NHSL1: variants seen among roughly 807,000 people sequenced by gnomAD.
NHSL1 encodes the protein NHS-like protein 1.
In NHSL1, 48 loss-of-function variants were observed where a neutral mutation model predicts 95.0. The observed-to-expected ratio is 0.51, with a 90% CI of 0.40 to 0.64. The LOEUF is 0.64. Among genes scored for constraint, NHSL1 ranks in the 30% least tolerant of loss-of-function variants. The pLI is 0.00. For synonymous variants in NHSL1, 783 were observed against 833.9 expected (o/e 0.94, Z 1.05); for missense variants, 1,971 against 2,077.7 (o/e 0.95, Z 1.00).
At chr6:138,429,587 G>T in intron 7 of NHSL1, 124 bp downstream of exon 7, 1 of 838,472 alleles carries the variant, frequency 1.2e-6, no homozygotes, top group Non-Finnish European at 1.8e-6. Flanking sequence ...AAAATCAACA[G>T]TAAAGTTAAG....
chr6:138,675,078 TAA>T (rs1785431600), intron 1 of NHSL1, among the ~76,000 whole-genome samples: 1 of 150,532 alleles, frequency 6.6e-6, no homozygotes, highest in Non-Finnish European at 1.5e-5. Flanking sequence ...AGGAAAAAAT[TAA>T]AAGAGGCACT....
chr6:138,504,912 C>T (rs1259021894), intron 1 of NHSL1, among the ~76,000 whole-genome samples: 2 of 152,158 alleles, frequency 1.3e-5, no homozygotes, highest in Admixed American at 1.3e-4. Context: ...TTTCAGGAAC[C>T]AAATAAACCT....
intron 1 of NHSL1, among the ~76,000 whole-genome samples, chr6:138,556,387 C>T (rs1209531316): frequency 3.9e-5 from 6 of 152,054 alleles, no homozygotes; most frequent in Non-Finnish European, 7.4e-5. Context: ...AATAACAATG[C>T]TTCTGTCATT....
intron 3 of NHSL1, among the ~76,000 whole-genome samples, chr6:138,457,187 C>A (rs1777670368): frequency 6.6e-6 from 1 of 152,140 alleles, no homozygotes; most frequent in Admixed American, 6.5e-5. Flanking sequence ...GGCTTATTTT[C>A]TGGAATTTCT....
At chr6:138,561,534 G>C (rs1467328862) in intron 1 of NHSL1, among the ~76,000 whole-genome samples, 3 of 152,192 alleles carry the variant, frequency 2.0e-5, no homozygotes, top group African/African-American at 7.2e-5. Context: ...CTGTAGGCCA[G>C]GTTGCTCCCA....
intron 1 of NHSL1, among the ~76,000 whole-genome samples, chr6:138,567,603 T>C (rs1783668665): frequency 6.6e-6 from 1 of 152,222 alleles, no homozygotes; most frequent in Non-Finnish European, 1.5e-5. Flanking sequence ...GCAAGGATCC[T>C]GCTTTCTGCA....
intron 1 of NHSL1, among the ~76,000 whole-genome samples, chr6:138,592,630 A>AAACAAAC (rs1490539353): frequency 1.3e-5 from 2 of 151,876 alleles, no homozygotes; most frequent in African/African-American, 2.4e-5. Context: ...AAAAAACAAA[A>AAACAAAC]AACAACAACA....
At chr6:138,561,442 A>C (rs527751284) in intron 1 of NHSL1, among the ~76,000 whole-genome samples, 1 of 152,254 alleles carries the variant, frequency 6.6e-6, no homozygotes, top group South Asian at 2.1e-4. Context: ...GTCTTTTTCA[A>C]AAATAAGAGG....
At chr6:138,532,072 G>C (rs574200698) in intron 1 of NHSL1, among the ~76,000 whole-genome samples, 13 of 152,320 alleles carry the variant, frequency 8.5e-5, no homozygotes, top group African/African-American at 3.1e-4. Flanking sequence ...CTTCCAAGAG[G>C]AGGTAACATC....
chr6:138,526,585 C>A (rs1781915574), intron 1 of NHSL1, among the ~76,000 whole-genome samples: 1 of 152,146 alleles, frequency 6.6e-6, no homozygotes, highest in South Asian at 2.1e-4. Context: ...ACCCAGAACA[C>A]CTGTAAATAT....
chr6:138,433,800 C>A, intron 5 of NHSL1, 120 bp from the exon 6 acceptor site: 1 of 1,357,290 alleles, frequency 7.4e-7, no homozygotes, highest in East Asian at 2.6e-5. Context: ...AATTTCCTTT[C>A]TCCTGTAGGT....
chr6:138,424,624 C>T lies in NHSL1; in HGVS notation c.4278G>A (p.Lys1426=), dbSNP rs931184292. 6.4e-7 allele frequency: 1 copy of T among 1,551,438 alleles called. No individual in the cohort carries two copies. Among genetic ancestry groups the T allele is most frequent in the African/African-American group, 1.4e-5 (1 of 73,004 alleles). The change falls in exon 8 of 8, where the codon AAG becomes AAA. Residue 1426 remains lysine (K), a synonymous_variant. Coordinates refer to ENST00000343505, the MANE Select transcript of NHSL1 (RefSeq NM_001144060.2). This position sits in a 1 kb window ranked among gnomAD's most constrained non-coding sequence, Gnocchi z 5.9. ...SDNFKALLLK[K]GSRSDTSARM... is the part of the protein sequence containing the mutation. ...GGGCGCTGGTGTCTGAACGACTGCC[C>T]TTTTTCAGCAGCAGAGCTTTGAAGT...
At chr6:138,482,614 AATACTCTT>A (rs1779496178) in intron 2 of NHSL1, among the ~76,000 whole-genome samples, 1 of 152,232 alleles carries the variant, frequency 6.6e-6, no homozygotes, top group Admixed American at 6.5e-5. Flanking sequence ...TAAACCTCTG[AATACTCTT>A]CTTCCAGACA....
At chr6:138,539,970 G>A (rs144310665) in intron 1 of NHSL1, among the ~76,000 whole-genome samples, 79 of 152,272 alleles carry the variant, frequency 5.2e-4, no homozygotes, top group Middle Eastern at 3.4e-3. Context: ...GCATGATAAC[G>A]TTTTCAAGGG....
intron 3 of NHSL1, among the ~76,000 whole-genome samples, chr6:138,464,710 C>CTTTTTTTTTTTTTTTTTTT (rs1388677216): frequency 9.0e-6 from 1 of 111,716 alleles, no homozygotes. Flanking sequence ...TTTTTTTTTT[C>CTTTTTTTTTTTTTTTTTTT]TTTTCTTTTT....
chr6:138,669,146 T>A (rs1219226383), intron 1 of NHSL1, among the ~76,000 whole-genome samples: 2 of 151,982 alleles, frequency 1.3e-5, no homozygotes, highest in African/African-American at 4.8e-5. Flanking sequence ...GTATTCTGCT[T>A]GAGAAGATAG....
chr6:138,556,169 A>G (rs1244726103), intron 1 of NHSL1, among the ~76,000 whole-genome samples: 3 of 151,896 alleles, frequency 2.0e-5, no homozygotes, highest in Non-Finnish European at 4.4e-5. Context: ...AATAATTACT[A>G]AAGTTGATTT....
At chr6:138,545,941 G>C (rs1364538705), upstream of NHSL1, 1 of 531,430 alleles carries the variant, frequency 1.9e-6, no homozygotes, top group Non-Finnish European at 2.4e-6. Flanking sequence ...TCAGCCCAAG[G>C]GCGAGCCCAT....
chr6:138,504,691 G>T (rs113998707), intron 1 of NHSL1, among the ~76,000 whole-genome samples: 1,822 of 152,308 alleles, frequency 0.012, 42 homozygotes, highest in African/African-American at 0.042. Context: ...GATCAGAGGG[G>T]AACCTGTAGG....
Sources: gnomAD v4.1 joint callset for allele counts (sites outside exome capture counted in the v4.1 genomes callset) on GRCh38, gnomAD v4.1.1 for gene constraint, Gnocchi (gnomAD v3.1) non-coding constraint, MANE v1.5 for transcripts, NCBI Gene and HGNC (gene_info 2026-07-23, HGNC 2026-07-21) for gene names.